Variants in ANO5 observed in about 807,000 individuals in gnomAD.
ANO5 encodes the protein anoctamin 5.
Under a neutral mutation model 121.0 loss-of-function variants are expected in ANO5, and 109 were observed. The observed-to-expected ratio is 0.90, with a 90% CI of 0.77 to 1.06. The LOEUF is 1.06. Among genes scored for constraint, ANO5 ranks in the 50% least tolerant of loss-of-function variants. ANO5 has a pLI of 0.00. For synonymous variants in ANO5, 406 were observed against 359.9 expected, an observed-to-expected ratio of 1.13 and a Z score of -1.45; for missense variants, 1,064 against 1,078.5, an observed-to-expected ratio of 0.99 and a Z score of 0.19.
chr11:22,233,272 T>A (rs959075868), intron 7 of ANO5, among the ~76,000 whole-genome samples: 2 of 147,072 alleles, frequency 1.4e-5, no homozygotes, highest in Non-Finnish European at 2.9e-5. Flanking sequence ...AAATGCCTGA[T>A]TTATGAAATT....
intron 8 of ANO5, 91 bp downstream of exon 8, chr11:22,236,367 CT>C: frequency 9.3e-7 from 1 of 1,072,612 alleles, no homozygotes; most frequent in Non-Finnish European, 1.4e-6. Flanking sequence ...ACTTCAGTTG[CT>C]TAGTTTTCTC....
intron 7 of ANO5, among the ~76,000 whole-genome samples, chr11:22,227,806 T>C (rs1436827501): frequency 2.0e-5 from 3 of 152,052 alleles, no homozygotes; most frequent in Non-Finnish European, 1.5e-5. Context: ...TGGTTGATGG[T>C]ATGGATGTAG....
At chr11:22,252,739 C>T (rs965502287) in intron 12 of ANO5, among the ~76,000 whole-genome samples, 6 of 151,900 alleles carry the variant, frequency 3.9e-5, no homozygotes, top group East Asian at 1.9e-4. Flanking sequence ...CTTTAGAAAA[C>T]GTTCCCCACT....
rs1289103086 is a variant in ANO5 at position 22,281,358 on chromosome 11, G to C, written c.*1593G>C. 1 of 151,998 alleles carries C rather than the reference G, an allele frequency of 6.6e-6. No homozygotes were observed. Among genetic ancestry groups the C allele is most frequent in the African/African-American group, 2.4e-5 (1 of 41,430 alleles). The allele number at this position is 151,998 out of a possible 1,614,324, so 9.4% of individuals were successfully genotyped here. ...TAAGCATACAGAACTGGGGATTATGGATTTTATAAACTATGAGACAGTCAC... is the reference window on the plus strand; with the variant it reads ...TAAGCATACAGAACTGGGGATTATGCATTTTATAAACTATGAGACAGTCAC... On this transcript the variant is annotated 3_prime_UTR_variant, in exon 22 of 22. Coordinates refer to ENST00000324559, the MANE Select transcript of ANO5 (RefSeq NM_213599.3).
chr11:22,197,931 G>C (rs1353699540), intron 1 of ANO5, among the ~76,000 whole-genome samples: 1 of 152,216 alleles, frequency 6.6e-6, no homozygotes, highest in Non-Finnish European at 1.5e-5. Context: ...TGCCTCTTCA[G>C]TCAGGCCTCA....
intron 1 of ANO5, among the ~76,000 whole-genome samples, chr11:22,197,346 TA>T (rs1472388834): frequency 1.1e-5 from 1 of 94,444 alleles, no homozygotes; most frequent in Non-Finnish European, 2.1e-5. Context: ...TGCTGGAATT[TA>T]ACTTTTTTTT....
At chr11:22,266,734 T>G (rs909856649) in intron 17 of ANO5, among the ~76,000 whole-genome samples, 1 of 152,220 alleles carries the variant, frequency 6.6e-6, no homozygotes, top group Non-Finnish European at 1.5e-5. Flanking sequence ...TCTTTTTATT[T>G]TTTAATAATA....
intron 17 of ANO5, among the ~76,000 whole-genome samples, chr11:22,265,929 A>C (rs911091236): frequency 1.3e-5 from 2 of 152,176 alleles, no homozygotes; most frequent in Non-Finnish European, 2.9e-5. Flanking sequence ...GTAGAAACAG[A>C]TATTACAGAA....
chr11:22,249,778 G>T (rs1276218725), intron 9 of ANO5, among the ~76,000 whole-genome samples: 1 of 152,070 alleles, frequency 6.6e-6, no homozygotes, highest in African/African-American at 2.4e-5. Context: ...CTACAATGCG[G>T]TCAGAGAAAT....
chr11:22,217,073 TA>T (rs1852468834), intron 3 of ANO5, among the ~76,000 whole-genome samples: 1 of 151,994 alleles, frequency 6.6e-6, no homozygotes, highest in Non-Finnish European at 1.5e-5. Context: ...TTTTGTATTT[TA>T]AAACAACAGC....
intron 12 of ANO5, among the ~76,000 whole-genome samples, chr11:22,255,129 A>G (rs1488279954): frequency 1.3e-5 from 2 of 152,142 alleles, no homozygotes. Flanking sequence ...GTCTGAAAAA[A>G]ATTCTTGCTT....
At position 22,259,510 on chromosome 11, in the gene ANO5, C is replaced by G; in HGVS notation, c.1408-9C>G. The G allele has an allele frequency of 6.2e-7, 1 of 1,612,742 alleles. No homozygotes were observed. The highest frequency in any genetic ancestry group is 1.3e-5 in the African/African-American group (1 of 74,990). Reference sequence around the variant, plus strand: ...ACCCAAATAGCAGTTCTTTGTTTTCCTTTCCCAGATGTCTCTTGTCGTCAC... The same window carrying G: ...ACCCAAATAGCAGTTCTTTGTTTTCGTTTCCCAGATGTCTCTTGTCGTCAC... On this transcript the variant is annotated splice_polypyrimidine_tract_variant and intron_variant, in intron 14 of 21. Coordinates refer to ENST00000324559, the MANE Select transcript of ANO5 (RefSeq NM_213599.3).
intron 8 of ANO5, among the ~76,000 whole-genome samples, chr11:22,239,179 A>G (rs1853337625): frequency 6.6e-6 from 1 of 152,016 alleles, no homozygotes. Context: ...TAGTTGCTTA[A>G]TGTTCCTTGA....
rs1854838114 is a variant in ANO5, at chr11:22,276,133, A to G, written c.2454A>G (p.Lys818=). Residue 818 remains lysine (K), a synonymous_variant, in exon 21 of 22, where the codon AAA becomes AAG. Coordinates refer to ENST00000324559, the MANE Select transcript of ANO5 (RefSeq NM_213599.3). ...DYRYPPDDEN[K]YFHNMQFWHV... ...GATATCCTCCTGATGACGAGAATAA[A>G]TATTTTCATAATATGCAATTCTGGC... is the stretch of plus-strand genomic sequence containing the variant. 1 of 1,611,586 alleles carries G rather than the reference A, an allele frequency of 6.2e-7. No homozygotes were observed. Among genetic ancestry groups the G allele is most frequent in the Non-Finnish European group, 8.5e-7 (1 of 1,178,178 alleles).
At position 22,221,183 on chromosome 11, in the gene ANO5, T is replaced by C. The variant is rs4312063; in HGVS notation, c.267T>C (p.Asp89=). The change falls in exon 5 of 22, where the codon GAT becomes GAC. Residue 89 remains aspartate, a synonymous_variant. Coordinates refer to ENST00000324559, the MANE Select transcript of ANO5 (RefSeq NM_213599.3). ...QIDFVLSYVD[D]VKKDAELKAE... The stretch of plus-strand genomic sequence containing the variant: ...ATTTTGTGCTTTCCTACGTTGATGA[T>C]GTAAAGAAAGACGCAGAGTTAAAGG... 0.8 allele frequency: 1,287,797 copies of C among 1,610,396 alleles called. 518,819 individuals are homozygous for C. Among genetic ancestry groups the C allele is most frequent in the African/African-American group, 0.93 (69,830 of 74,872 alleles).
intron 10 of ANO5, among the ~76,000 whole-genome samples, 167 bp downstream of exon 10, chr11:22,250,538 G>A (rs1433498819): frequency 6.6e-6 from 1 of 152,102 alleles, no homozygotes; most frequent in Admixed American, 6.5e-5. Flanking sequence ...CTCACCTGGT[G>A]CTTTATGGAA....
intron 2 of ANO5, among the ~76,000 whole-genome samples, chr11:22,210,523 G>A (rs947987570): frequency 3.3e-5 from 5 of 151,866 alleles, no homozygotes; most frequent in African/African-American, 4.8e-5. Flanking sequence ...ATGAATTTCC[G>A]ATCATTTCTG....
intron 21 of ANO5, among the ~76,000 whole-genome samples, chr11:22,279,085 T>G (rs543078446): frequency 6.6e-5 from 10 of 151,892 alleles, no homozygotes; most frequent in Non-Finnish European, 1.5e-4. Flanking sequence ...TCTAATCCTC[T>G]TGTTTTCAAC....
chr11:22,204,521 A>G (rs2133523679), intron 2 of ANO5, among the ~76,000 whole-genome samples: 1 of 152,248 alleles, frequency 6.6e-6, no homozygotes, highest in East Asian at 1.9e-4. Flanking sequence ...GGATTTAAAA[A>G]GAATTTCCAG....
Sources: gnomAD v4.1 joint callset for allele counts (sites outside exome capture counted in the v4.1 genomes callset) on GRCh38, gnomAD v4.1.1 for gene constraint, MANE v1.5 for transcripts, NCBI Gene and HGNC (gene_info 2026-07-23, HGNC 2026-07-21) for gene names.